Variants in RALY observed in about 807,000 individuals in gnomAD.
The protein encoded by RALY is RNA-binding protein Raly.
RALY carries 15 observed loss-of-function variants against 30.7 expected under a neutral mutation model. The ratio of observed to expected loss-of-function variants is 0.49; its 90% confidence interval spans 0.33 to 0.75. RALY has a LOEUF of 0.75. Ranked by LOEUF, RALY falls within the 30% of genes least tolerant of loss-of-function variation. The pLI, the probability that RALY is intolerant of heterozygous loss-of-function variation, is 0.02. For synonymous variants in RALY, 177 were observed against 170.8 expected (o/e 1.04, Z -0.28); for missense variants, 339 against 414.3 (o/e 0.82, Z 1.58).
chr20:34,012,119 C>T (rs2031425217), intron 1 of RALY, among the ~76,000 whole-genome samples: 1 of 151,958 alleles, frequency 6.6e-6, no homozygotes, highest in Non-Finnish European at 1.5e-5. Context: ...TGGGCAGGCC[C>T]CGCTTCAAAC....
chr20:34,061,848 A>G (rs2033426874), intron 2 of RALY, among the ~76,000 whole-genome samples: 1 of 152,158 alleles, frequency 6.6e-6, no homozygotes, highest in Non-Finnish European at 1.5e-5. Flanking sequence ...GTTATGTGGC[A>G]TGTTCTGTGT....
intron 1 of RALY, among the ~76,000 whole-genome samples, chr20:33,996,613 G>A (rs2030643818): frequency 6.8e-6 from 1 of 146,522 alleles, no homozygotes; most frequent in African/African-American, 2.8e-5. Flanking sequence ...AAGCTGGCAT[G>A]CTTTTTTTAA....
In RALY at chr20:34,036,485, G is replaced by A. The variant is rs185127868; in HGVS notation, c.-10+4881G>A. On this transcript the variant is annotated intron_variant, in intron 2 of 9. Transcript: ENST00000246194. The stretch of plus-strand genomic sequence containing the variant: ...ATATGGAGTTAGATTTGATTTGCTG[G>A]GGAATATTGTTCTGTAGTTTTCTTA... Among the ~76,000 whole-genome samples, 5 of 152,266 alleles carry A rather than the reference G, an allele frequency of 3.3e-5. No individual in the cohort carries two copies. The East Asian group carries it at 9.6e-4, about 29-fold the overall frequency.
chr20:34,028,176 C>G (rs1249076963), intron 1 of RALY, among the ~76,000 whole-genome samples: 1 of 151,748 alleles, frequency 6.6e-6, no homozygotes, highest in Non-Finnish European at 1.5e-5. Context: ...ATCCTAGCTA[C>G]TTGAGTGGCT....
At chr20:34,019,731 T>C (rs2031743442) in intron 1 of RALY, among the ~76,000 whole-genome samples, 2 of 152,114 alleles carry the variant, frequency 1.3e-5, no homozygotes, top group South Asian at 4.1e-4. Flanking sequence ...ACCATACACA[T>C]ACAAATTATG....
intron 1 of RALY, among the ~76,000 whole-genome samples, chr20:34,022,981 T>C (rs571661264): frequency 6.6e-6 from 1 of 152,290 alleles, no homozygotes; most frequent in South Asian, 2.1e-4. Context: ...AGTAGTCGTA[T>C]CTGTTTTTAT....
intron 1 of RALY, among the ~76,000 whole-genome samples, chr20:34,025,677 A>G (rs2031994860): frequency 6.6e-6 from 1 of 151,452 alleles, no homozygotes; most frequent in African/African-American, 2.4e-5. Context: ...CTGTAGGGAC[A>G]TGCTATTTTA....
At chr20:34,013,082 TTG>T (rs1252504347) in intron 1 of RALY, among the ~76,000 whole-genome samples, 3 of 152,164 alleles carry the variant, frequency 2.0e-5, no homozygotes, top group Non-Finnish European at 4.4e-5. Flanking sequence ...AAAATAGGCT[TTG>T]TGTTAGTTGA....
At chr20:34,019,559 C>T (rs1218742259) in intron 1 of RALY, among the ~76,000 whole-genome samples, 1 of 152,164 alleles carries the variant, frequency 6.6e-6, no homozygotes, top group Non-Finnish European at 1.5e-5. Flanking sequence ...CGAAGATCCC[C>T]ATGTTCTAGT....
At position 34,030,413 on chromosome 20, in the gene RALY, T is replaced by C. The variant is rs1601439098; in HGVS notation, c.-92-1109T>C. 2.6e-5 allele frequency among the ~76,000 whole-genome samples: 4 copies of C among 152,392 alleles called. No homozygotes were observed. The South Asian group carries it at 8.3e-4, about 32-fold the overall frequency. On this transcript the variant is annotated intron_variant, in intron 1 of 9. Transcript: ENST00000246194. ...GTGCTGCTATTCTTATTCTAGAGTC[T>C]GCTCTATTCCATTCCACATTCCTGG...
chr20:34,022,689 A>G (rs979759375), intron 1 of RALY, among the ~76,000 whole-genome samples: 3 of 152,134 alleles, frequency 2.0e-5, no homozygotes, highest in African/African-American at 7.2e-5. Context: ...AAGGACGGAA[A>G]AAGTACCATC....
At chr20:34,044,936 A>G (rs762445977) in intron 2 of RALY, among the ~76,000 whole-genome samples, 51 of 152,308 alleles carry the variant, frequency 3.3e-4, no homozygotes, top group Admixed American at 1.4e-3. Flanking sequence ...TTATTGAGAC[A>G]GGGTTTCACT....
At chr20:34,075,780 C>T (rs1568698426) in intron 5 of RALY, 94 bp from the exon 6 acceptor site, 1 of 1,384,030 alleles carries the variant, frequency 7.2e-7, no homozygotes, top group Non-Finnish European at 9.8e-7. Context: ...GCCTCCCAGC[C>T]CCTCACCAGC....
chr20:34,020,521 G>A (rs2031779147), intron 1 of RALY, among the ~76,000 whole-genome samples: 1 of 152,210 alleles, frequency 6.6e-6, no homozygotes. Context: ...GATCCACTGA[G>A]GTTACAGGAC....
At chr20:34,026,884 T>G (rs1387631889) in intron 1 of RALY, among the ~76,000 whole-genome samples, 1 of 152,186 alleles carries the variant, frequency 6.6e-6, no homozygotes, top group East Asian at 1.9e-4. Flanking sequence ...AATATGGAGC[T>G]TGAGATTTTG....
At chr20:34,046,379 G>A (rs1262133853) in intron 2 of RALY, among the ~76,000 whole-genome samples, 2 of 152,210 alleles carry the variant, frequency 1.3e-5, no homozygotes, top group African/African-American at 4.8e-5. Flanking sequence ...TGGTTTTCCT[G>A]TTTGTAAATG....
At chr20:34,019,733 C>G (rs976524278) in intron 1 of RALY, among the ~76,000 whole-genome samples, 1 of 152,062 alleles carries the variant, frequency 6.6e-6, no homozygotes, top group African/African-American at 2.4e-5. Context: ...CATACACATA[C>G]AAATTATGTA....
intron 2 of RALY, among the ~76,000 whole-genome samples, chr20:34,047,506 A>T (rs569740067): frequency 9.5e-4 from 145 of 152,294 alleles, no homozygotes; most frequent in African/African-American, 3.2e-3. Flanking sequence ...TTGGTGGCAA[A>T]TGCCTAATGT....
intron 2 of RALY, among the ~76,000 whole-genome samples, chr20:34,059,497 C>T (rs1464603955): frequency 6.6e-6 from 1 of 152,170 alleles, no homozygotes; most frequent in Non-Finnish European, 1.5e-5. Context: ...CTTTGACCCT[C>T]ACAACAACCT....
Sources: gnomAD v4.1 joint callset for allele counts (sites outside exome capture counted in the v4.1 genomes callset) on GRCh38, gnomAD v4.1.1 for gene constraint, MANE v1.5 for transcripts, NCBI Gene and HGNC (gene_info 2026-07-23, HGNC 2026-07-21) for gene names.